TMCC3: variants seen among roughly 807,000 people sequenced by gnomAD.
TMCC3 encodes the protein transmembrane and coiled-coil domain family 3, also known as transmembrane and coiled-coil domain protein 3.
A neutral mutation model predicts 40.2 loss-of-function variants in TMCC3; 28 were observed. The observed-to-expected ratio is 0.70, with a 90% CI of 0.52 to 0.95. The LOEUF (loss-of-function observed/expected upper bound fraction) is 0.95, where lower values mean the gene tolerates loss of function less well. Among genes scored for constraint, TMCC3 ranks in the 40% least tolerant of loss-of-function variants. TMCC3 has a pLI of 0.00. For synonymous variants in TMCC3, 255 were observed against 248.5 expected (o/e 1.03, Z -0.25); for missense variants, 554 against 615.2 (o/e 0.90, Z 1.05).
chr12:94,638,291 C>T lies in TMCC3; in HGVS notation c.78+12062G>A, dbSNP rs1003129517. ...CTGAGTCACGTGGGACATGCTCTTT[C>T]CCCCATGCCTGAATATGTGCTCATA... On this transcript the variant is annotated intron_variant, in intron 1 of 3. Transcript: ENST00000261226. Among the ~76,000 whole-genome samples, 8 of 152,166 alleles carry T rather than the reference C, an allele frequency of 5.3e-5. 1 individual carries two copies. Among genetic ancestry groups the T allele is most frequent in the Admixed American group, 3.9e-4 (6 of 15,274 alleles).
intron 1 of TMCC3, among the ~76,000 whole-genome samples, chr12:94,613,523 T>C (rs2068828876): frequency 6.6e-6 from 1 of 152,172 alleles, no homozygotes; most frequent in African/African-American, 2.4e-5. Context: ...ACATACTTTA[T>C]GAATTCTACT....
intron 1 of TMCC3, among the ~76,000 whole-genome samples, chr12:94,596,960 A>T (rs527509390): frequency 1.6e-4 from 25 of 151,876 alleles, no homozygotes; most frequent in Non-Finnish European, 3.7e-4. Context: ...CACTGCTCCA[A>T]GCAGAATATA....
chr12:94,580,221 T>C (rs2068591969), intron 2 of TMCC3, among the ~76,000 whole-genome samples: 1 of 152,200 alleles, frequency 6.6e-6, no homozygotes, highest in African/African-American at 2.4e-5. Context: ...TATCTCTTTA[T>C]TGGAAAAAAT....
intron 2 of TMCC3, among the ~76,000 whole-genome samples, chr12:94,578,852 A>G (rs1396801872): frequency 6.6e-6 from 1 of 152,134 alleles, no homozygotes; most frequent in African/African-American, 2.4e-5. Context: ...CAGGCAGGAG[A>G]CAGGGCTCTG....
Position 94,571,841 on chromosome 12 carries a change from T to C in TMCC3, c.1132-104A>G, listed in dbSNP as rs550650200. ...AAAAGCCCCAGCTCAGAAAGCCCAA[T>C]GCCCAGGCGGCTGCAAATCCCCAAA... On this transcript the variant is annotated intron_variant, in intron 3 of 3. Coordinates refer to ENST00000261226, the MANE Select transcript of TMCC3 (RefSeq NM_020698.4). 34 of 1,212,954 alleles carry C rather than the reference T, an allele frequency of 2.8e-5. No individual in the cohort carries two copies. In the Admixed American group the frequency reaches 5.4e-4, roughly 19 times the overall value. The allele number at this position is 1,212,954 out of a possible 1,614,324, so 75.1% of individuals were successfully genotyped here.
chr12:94,586,176 A>G (rs1194302115), intron 1 of TMCC3, among the ~76,000 whole-genome samples: 11 of 152,262 alleles, frequency 7.2e-5, no homozygotes, highest in Admixed American at 5.9e-4. Context: ...AATGTGCAAC[A>G]AGATACACAA....
intron 1 of TMCC3, among the ~76,000 whole-genome samples, chr12:94,591,670 C>A (rs1439722450): frequency 6.6e-6 from 1 of 152,120 alleles, no homozygotes; most frequent in Non-Finnish European, 1.5e-5. Flanking sequence ...GCACGAGGGT[C>A]AAGAGCCTGG....
intron 2 of TMCC3, among the ~76,000 whole-genome samples, chr12:94,580,609 C>G (rs911302346): frequency 1.3e-5 from 2 of 152,008 alleles, no homozygotes; most frequent in African/African-American, 2.4e-5. Flanking sequence ...GTGGTGGGTG[C>G]GTATAATCCC....
At chr12:94,615,901 G>T (rs1022069407) in intron 1 of TMCC3, 3 of 984,356 alleles carry the variant, frequency 3.0e-6, no homozygotes, top group Non-Finnish European at 3.6e-6. Flanking sequence ...GGCTGAAACG[G>T]AAGAGTTGTG....
intron 1 of TMCC3, among the ~76,000 whole-genome samples, chr12:94,648,251 T>TATTC: frequency 6.6e-6 from 1 of 151,652 alleles, no homozygotes; most frequent in East Asian, 1.9e-4. Flanking sequence ...TTTATTTATT[T>TATTC]ATTTAAAGAC....
At chr12:94,587,397 C>T (rs1286935110) in intron 1 of TMCC3, among the ~76,000 whole-genome samples, 1 of 152,314 alleles carries the variant, frequency 6.6e-6, no homozygotes, top group Non-Finnish European at 1.5e-5. Flanking sequence ...GTAATCCAAG[C>T]TATCATTACT....
chr12:94,591,019 G>T, intron 1 of TMCC3: 2 of 552,828 alleles, frequency 3.6e-6, no homozygotes, highest in Non-Finnish European at 7.3e-6. Context: ...TATAGAAATT[G>T]ATGAAGAAAC....
At position 94,568,613 on chromosome 12, in the gene TMCC3, T is replaced by C. The variant is rs1181772395; in HGVS notation, c.*2822A>G. The C allele has an allele frequency of 6.6e-6, 1 of 152,236 alleles. No homozygotes were observed. Among genetic ancestry groups the C allele is most frequent in the Non-Finnish European group, 1.5e-5 (1 of 68,032 alleles). 9.4% of individuals were successfully genotyped at this position (152,236 alleles called of 1,614,324 possible). On this transcript the variant is annotated 3_prime_UTR_variant, in exon 4 of 4. Transcript: ENST00000261226. ...TAATTGTAATATTTCTAAAATGTCA[T>C]TTAATCTCCTTACACATTGAAGAGA...
rs1184195180 is a variant in TMCC3 at position 94,571,544 on chromosome 12, C to T, written c.1325G>A (p.Ser442Asn). 6.8e-6 allele frequency: 11 copies of T among 1,614,180 alleles called. No homozygotes were observed. Among genetic ancestry groups the T allele is most frequent in the African/African-American group, 1.3e-5 (1 of 75,036 alleles). Residue 442 changes from serine (S) to asparagine (N), a missense_variant, in exon 4 of 4, where the codon AGT becomes AAT. Coordinates refer to ENST00000261226, the MANE Select transcript of TMCC3 (RefSeq NM_020698.4). ...IAKFVSPMMK[S>N]RCHILGTFFA... ...GAAGGTGCCAAGAATGTGGCAGCGA[C>T]TCTTCATCATGGGTGAGACGAACTT...
At chr12:94,645,377 G>A (rs928317298) in intron 1 of TMCC3, among the ~76,000 whole-genome samples, 1 of 152,112 alleles carries the variant, frequency 6.6e-6, no homozygotes, top group Non-Finnish European at 1.5e-5. Context: ...TATAGTACAG[G>A]TCCCCTATTC....
In TMCC3 at chr12:94,582,126, T is replaced by C. The variant is rs765501566; in HGVS notation, c.491A>G (p.His164Arg). The C allele has an allele frequency of 1.4e-5, 22 of 1,614,070 alleles. No homozygotes were observed. The Admixed American group carries it at 2.2e-4, about 16-fold the overall frequency. The change falls in exon 2 of 4, where the codon CAT (histidine) becomes CGT (arginine). Residue 164 changes from histidine to arginine, a missense_variant. Transcript: ENST00000261226. ...DISKDHLKDI[H>R]RSLKDAHVKS... ...CACGTGGGCATCTTTCAAAGAGCGA[T>C]GTATATCCTTCAGGTGGTCTTTGGA...
intron 3 of TMCC3, 86 bp downstream of exon 3, chr12:94,578,308 G>C: frequency 1.3e-6 from 2 of 1,493,864 alleles, no homozygotes. Context: ...AACCCTCTAG[G>C]ACTTAGGCAT....
rs1000596803 is a variant in TMCC3 at position 94,582,237 on chromosome 12, G to A, written c.380C>T (p.Ala127Val). Residue 127 changes from alanine to valine, a missense_variant, in exon 2 of 4, where the codon GCC becomes GTC. Ala to Val is a moderately conservative substitution (Grantham distance 64). Transcript: ENST00000261226. Reference sequence around the variant, plus strand: ...CTGCTCTAACTTCTTCTGCAGCTGGGCGATGGAGTGAGCTGATTTCTGATT... The same window carrying A: ...CTGCTCTAACTTCTTCTGCAGCTGGACGATGGAGTGAGCTGATTTCTGATT... ...KKNQKSAHSI[A>V]QLQKKLEQYH... is the part of the protein sequence containing the mutation. 4.0e-5 allele frequency: 64 copies of A among 1,614,004 alleles called. 1 individual carries two copies. In the Admixed American group the frequency reaches 1.1e-3, roughly 26 times the overall value.
At position 94,571,533 on chromosome 12, in the gene TMCC3, T is replaced by A; in HGVS notation, c.1336A>T (p.Ile446Phe). 1 of 1,614,102 alleles carries A rather than the reference T, an allele frequency of 6.2e-7. No homozygotes were observed. The highest frequency in any genetic ancestry group is 8.5e-7 in the Non-Finnish European group (1 of 1,180,000). The stretch of plus-strand genomic sequence containing the variant: ...GTCACGGCAAAGAAGGTGCCAAGAA[T>A]GTGGCAGCGACTCTTCATCATGGGT... Reference protein sequence around the residue: ...VSPMMKSRCHILGTFFAVTLL... With the variant: ...VSPMMKSRCHFLGTFFAVTLL... The change falls in exon 4 of 4, where the codon ATT (isoleucine) becomes TTT (phenylalanine). Residue 446 changes from isoleucine to phenylalanine, a missense_variant. Transcript: ENST00000261226.
Sources: gnomAD v4.1 joint callset for allele counts (sites outside exome capture counted in the v4.1 genomes callset) on GRCh38, gnomAD v4.1.1 for gene constraint, MANE v1.5 for transcripts, NCBI Gene and HGNC (gene_info 2026-07-23, HGNC 2026-07-21) for gene names.